MAP2K5: variants seen among roughly 807,000 people sequenced by gnomAD.
MAP2K5 encodes mitogen-activated protein kinase kinase 5.
A neutral mutation model predicts 83.1 loss-of-function variants in MAP2K5; 49 were observed. That is an observed-to-expected ratio of 0.59 (90% CI 0.47 to 0.75). MAP2K5 has a LOEUF of 0.75. Among genes scored for constraint, MAP2K5 ranks in the 30% least tolerant of loss-of-function variants. The pLI is 0.00. For synonymous variants in MAP2K5, 202 were observed against 191.8 expected, an observed-to-expected ratio of 1.05 and a Z score of -0.44; for missense variants, 457 against 557.5, an observed-to-expected ratio of 0.82 and a Z score of 1.82.
intron 21 of MAP2K5, among the ~76,000 whole-genome samples, chr15:67,796,343 A>C (rs1314698188): frequency 6.6e-6 from 1 of 152,222 alleles, no homozygotes; most frequent in Non-Finnish European, 1.5e-5. Context: ...GTTGGCTCAC[A>C]GTTCTGCAGG....
intron 11 of MAP2K5, among the ~76,000 whole-genome samples, chr15:67,654,703 G>A (rs940480444): frequency 2.6e-5 from 4 of 152,030 alleles, no homozygotes; most frequent in African/African-American, 9.7e-5. Context: ...TGTTGCTCTA[G>A]GGATTACAAT....
intron 8 of MAP2K5, among the ~76,000 whole-genome samples, chr15:67,615,322 G>A (rs1397629373): frequency 6.6e-6 from 1 of 152,094 alleles, no homozygotes; most frequent in African/African-American, 2.4e-5. Flanking sequence ...AAATTATTTT[G>A]TAATCAGTAG....
At chr15:67,725,555 A>G (rs1443330271) in intron 16 of MAP2K5, among the ~76,000 whole-genome samples, 1 of 152,220 alleles carries the variant, frequency 6.6e-6, no homozygotes, top group Non-Finnish European at 1.5e-5. Flanking sequence ...ATGGTCCCTG[A>G]TGACATGCTG....
In MAP2K5 at chr15:67,770,330, C is replaced by T. The variant is rs955784725; in HGVS notation, c.1196+667C>T. 1.3e-5 allele frequency among the ~76,000 whole-genome samples: 2 copies of T among 152,172 alleles called. No individual in the cohort carries two copies. Among genetic ancestry groups the T allele is most frequent in the African/African-American group, 4.8e-5 (2 of 41,448 alleles). On this transcript the variant is annotated intron_variant, in intron 20 of 21. Coordinates refer to ENST00000178640, the MANE Select transcript of MAP2K5 (RefSeq NM_145160.3). This position sits in a 1 kb window ranked among gnomAD's most constrained non-coding sequence, Gnocchi z 5.0. ...TTCTGCCTTTTTCCTCCTAGCAGAA[C>T]GCAGATGTCTTTTATTACCCCTTTC...
At position 67,785,513 on chromosome 15, in the gene MAP2K5, T is replaced by C. The variant is rs2090400809; in HGVS notation, c.1242+12761T>C. On this transcript the variant is annotated intron_variant, in intron 21 of 21. Coordinates refer to ENST00000178640, the MANE Select transcript of MAP2K5 (RefSeq NM_145160.3). The surrounding 1 kb of genome is among the most constrained non-coding windows in gnomAD (Gnocchi z 4.4). ...TAATCCAGCAAACACAAATCCATCA[T>C]ACATGCAAACAAAGTAGTCAGGTCA... 6.6e-6 allele frequency among the ~76,000 whole-genome samples: 1 copy of C among 152,142 alleles called. No individual in the cohort carries two copies. The highest frequency in any genetic ancestry group is 1.5e-5 in the Non-Finnish European group (1 of 68,026).
chr15:67,748,690 C>A lies in MAP2K5; in HGVS notation c.1134+89C>A. On this transcript the variant is annotated intron_variant, in intron 19 of 21. Coordinates refer to ENST00000178640, the MANE Select transcript of MAP2K5 (RefSeq NM_145160.3). This position sits in a 1 kb window ranked among gnomAD's most constrained non-coding sequence, Gnocchi z 4.0. Reference sequence around the variant, plus strand: ...TTTTGTTTCCTAATGAAGCACAATGCCCAACATCCTTGGAGCAAGTTGTGT... The same window carrying A: ...TTTTGTTTCCTAATGAAGCACAATGACCAACATCCTTGGAGCAAGTTGTGT... 1.6e-6 allele frequency: 2 copies of A among 1,255,744 alleles called. No individual in the cohort carries two copies. The highest frequency in any genetic ancestry group is 2.3e-6 in the Non-Finnish European group (2 of 864,198). 77.8% of individuals were successfully genotyped at this position (1,255,744 alleles called of 1,614,324 possible). A position where few individuals can be genotyped will look rare whatever the true frequency, so the allele number is the denominator to read the frequency against.
intron 13 of MAP2K5, among the ~76,000 whole-genome samples, chr15:67,680,248 C>A (rs891192002): frequency 5.3e-5 from 8 of 152,060 alleles, no homozygotes; most frequent in Non-Finnish European, 1.0e-4. Flanking sequence ...GGCATTGTAT[C>A]CACTTTGGGA....
Position 67,565,728 on chromosome 15 carries a change from A to G in MAP2K5, c.252+2378A>G, listed in dbSNP as rs2140969435. Among the ~76,000 whole-genome samples the G allele has an allele frequency of 6.6e-6, 1 of 152,286 alleles. No homozygotes were observed. The highest frequency in any genetic ancestry group is 1.9e-4 in the East Asian group (1 of 5,184). On this transcript the variant is annotated intron_variant, in intron 3 of 21. Transcript: ENST00000178640. The surrounding 1 kb of genome is among the most constrained non-coding windows in gnomAD (Gnocchi z 4.1). ...AAAGTTTCTGAGATTACTTGGGTCCACTTTTTTTTATCTGAATAGAAGTCA... is the reference window on the plus strand; with the variant it reads ...AAAGTTTCTGAGATTACTTGGGTCCGCTTTTTTTTATCTGAATAGAAGTCA...
rs2090303466 is a variant in MAP2K5 at position 67,780,042 on chromosome 15, G to A, written c.1242+7290G>A. On this transcript the variant is annotated intron_variant, in intron 21 of 21. Transcript: ENST00000178640. This position sits in a 1 kb window ranked among gnomAD's most constrained non-coding sequence, Gnocchi z 5.0. The stretch of plus-strand genomic sequence containing the variant: ...TCCCTGCGGCTTTTCCCTACTCTTC[G>A]ACTTTACAGTTGCTTGCTTCCTTCT... Among the ~76,000 whole-genome samples, 1 of 152,090 alleles carries A rather than the reference G, an allele frequency of 6.6e-6. No individual in the cohort carries two copies. Among genetic ancestry groups the A allele is most frequent in the Admixed American group, 6.6e-5 (1 of 15,264 alleles).
In MAP2K5 at chr15:67,638,337, C is replaced by T. The variant is rs1039674876; in HGVS notation, c.585+7410C>T. 1.3e-5 allele frequency among the ~76,000 whole-genome samples: 2 copies of T among 152,162 alleles called. No homozygotes were observed. The highest frequency in any genetic ancestry group is 2.9e-5 in the Non-Finnish European group (2 of 68,046). On this transcript the variant is annotated intron_variant, in intron 9 of 21. Coordinates refer to ENST00000178640, the MANE Select transcript of MAP2K5 (RefSeq NM_145160.3). This position sits in a 1 kb window ranked among gnomAD's most constrained non-coding sequence, Gnocchi z 4.5. ...AACATGTGGTATTCGGTTTCCTGTT[C>T]TTGTGTTAGTTTGCTAAAGATGATG...
rs201063917 is a variant in MAP2K5 at position 67,752,677 on chromosome 15, C to CAA, written c.1134+4088_1134+4089dup. ...TGGGTGACAGAGCAAGACACCCTCT[C>CAA]AAAAAAAAAAAAAGAAAAAGAAAGA... On this transcript the variant is annotated intron_variant, in intron 19 of 21. Coordinates refer to ENST00000178640, the MANE Select transcript of MAP2K5 (RefSeq NM_145160.3). Among the ~76,000 whole-genome samples, 84 of 121,542 alleles carry CAA rather than the reference C, an allele frequency of 6.9e-4. 1 individual carries two copies. Among genetic ancestry groups the CAA allele is most frequent in the African/African-American group, 1.9e-3 (62 of 32,248 alleles). 79.7% of individuals were successfully genotyped at this position (121,542 alleles called of 152,430 possible). A position where few individuals can be genotyped will look rare whatever the true frequency, so the allele number is the denominator to read the frequency against.
At chr15:67,658,215 G>A (rs1290401257) in intron 11 of MAP2K5, among the ~76,000 whole-genome samples, 2 of 151,988 alleles carry the variant, frequency 1.3e-5, no homozygotes. Context: ...CAAAAGACAG[G>A]CAACTAAATG....
intron 11 of MAP2K5, among the ~76,000 whole-genome samples, chr15:67,650,309 T>C (rs2086922201): frequency 6.6e-6 from 1 of 152,190 alleles, no homozygotes; most frequent in Non-Finnish European, 1.5e-5. Context: ...TGAATGTCTT[T>C]TATTTCCTTT....
Position 67,764,330 on chromosome 15 carries a change from G to A in MAP2K5, c.1135-5272G>A, listed in dbSNP as rs2090002919. Among the ~76,000 whole-genome samples the A allele has an allele frequency of 6.6e-6, 1 of 152,182 alleles. No homozygotes were observed. Among genetic ancestry groups the A allele is most frequent in the Non-Finnish European group, 1.5e-5 (1 of 68,046 alleles). ...CCCTCCCACCCTCAGGTGCTGTCTG[G>A]GAGAGAGGAAAGAAGAAAGTAGGAG... On this transcript the variant is annotated intron_variant, in intron 19 of 21. Transcript: ENST00000178640. This position sits in a 1 kb window ranked among gnomAD's most constrained non-coding sequence, Gnocchi z 4.9.
chr15:67,715,916 G>T (rs1416666123), intron 16 of MAP2K5, among the ~76,000 whole-genome samples: 2 of 152,292 alleles, frequency 1.3e-5, no homozygotes, highest in East Asian at 3.9e-4. Flanking sequence ...AGGTAAAAAT[G>T]TCCCATCCCT....
At position 67,805,747 on chromosome 15, in the gene MAP2K5, GGAAGCCACTTGGTGTAAGTTCCTGGGCAA is replaced by G. The variant is rs1208212860; in HGVS notation, c.1243-884_1243-856del. 2.6e-5 allele frequency among the ~76,000 whole-genome samples: 4 copies of G among 152,368 alleles called. No homozygotes were observed. In the East Asian group the frequency reaches 7.7e-4, roughly 29 times the overall value. ...AAGCTGCACAGTTTTGGGTAGGAGA[GGAAGCCACTTGGTGTAAGTTCCTGGGCAA>G]GAAGCCACTTGGTGAAGAGGAAGAA... On this transcript the variant is annotated intron_variant, in intron 21 of 21. Transcript: ENST00000178640.
chr15:67,652,023 T>C lies in MAP2K5; in HGVS notation c.736+5554T>C, dbSNP rs2086967052. Among the ~76,000 whole-genome samples the C allele has an allele frequency of 6.6e-6, 1 of 152,216 alleles. No individual in the cohort carries two copies. The highest frequency in any genetic ancestry group is 2.4e-5 in the African/African-American group (1 of 41,450). ...CCCTTTCTCCACATCCTTGCCAGCA[T>C]CTATTATTCCCTGTCTTTTTGATAA... is the stretch of plus-strand genomic sequence containing the variant. On this transcript the variant is annotated intron_variant, in intron 11 of 21. Transcript: ENST00000178640. This position sits in a 1 kb window ranked among gnomAD's most constrained non-coding sequence, Gnocchi z 4.2.
chr15:67,600,555 A>T, intron 7 of MAP2K5, 130 bp from the exon 8 acceptor site: 1 of 673,274 alleles, frequency 1.5e-6, no homozygotes, highest in South Asian at 1.8e-5. Context: ...CGTTGTATTG[A>T]TCTTCTCGTT....
rs939091429 is a variant in MAP2K5, at chr15:67,614,931, A to G, written c.545+14182A>G. 2.0e-5 allele frequency among the ~76,000 whole-genome samples: 3 copies of G among 152,190 alleles called. No homozygotes were observed. In the East Asian group the frequency reaches 5.8e-4, roughly 29 times the overall value. On this transcript the variant is annotated intron_variant, in intron 8 of 21. Transcript: ENST00000178640. The stretch of plus-strand genomic sequence containing the variant: ...CCTATGTACAATCAGTTATCTTGAA[A>G]TTAATATCTGTGACCTCATAACATA...
Sources: gnomAD v4.1 joint callset for allele counts (sites outside exome capture counted in the v4.1 genomes callset) on GRCh38, gnomAD v4.1.1 for gene constraint, Gnocchi (gnomAD v3.1) non-coding constraint, MANE v1.5 for transcripts, NCBI Gene and HGNC (gene_info 2026-07-23, HGNC 2026-07-21) for gene names.